Variants in ST8SIA4 observed in about 807,000 individuals in gnomAD.
The protein encoded by ST8SIA4 is ST8 alpha-N-acetyl-neuraminide alpha-2,8-sialyltransferase 4.
ST8SIA4 carries 15 observed loss-of-function variants against 33.9 expected under a neutral mutation model. That is an observed-to-expected ratio of 0.44 (90% confidence interval 0.30 to 0.68). The LOEUF (loss-of-function observed/expected upper bound fraction) is 0.68, where lower values mean the gene tolerates loss of function less well. Ranked by LOEUF, ST8SIA4 falls within the 30% of genes least tolerant of loss-of-function variation. ST8SIA4 has a pLI of 0.10. For synonymous variants in ST8SIA4, 171 were observed against 151.2 expected (o/e 1.13, Z -0.96); for missense variants, 321 against 428.0 (o/e 0.75, Z 2.21).
intron 4 of ST8SIA4, among the ~76,000 whole-genome samples, chr5:100,846,523 C>T (rs1375360088): frequency 6.6e-6 from 1 of 151,790 alleles, no homozygotes; most frequent in East Asian, 1.9e-4. Flanking sequence ...GAAATACATC[C>T]CTTGAGAAGA....
At chr5:100,863,201 A>G (rs781298211) in intron 3 of ST8SIA4, among the ~76,000 whole-genome samples, 31 of 152,226 alleles carry the variant, frequency 2.0e-4, no homozygotes, top group Non-Finnish European at 4.1e-4. Flanking sequence ...GCCACCAAAG[A>G]AAACAGACAT....
chr5:100,891,601 T>C (rs1446314816), intron 2 of ST8SIA4, among the ~76,000 whole-genome samples: 3 of 152,020 alleles, frequency 2.0e-5, no homozygotes, highest in East Asian at 3.9e-4. Flanking sequence ...TGAAGAGCAT[T>C]TTTAGTTTAA....
At chr5:100,848,235 A>C (rs1751609405) in intron 4 of ST8SIA4, among the ~76,000 whole-genome samples, 1 of 151,808 alleles carries the variant, frequency 6.6e-6, no homozygotes, top group South Asian at 2.1e-4. Flanking sequence ...GTTGAATAAG[A>C]TTCAGTAATG....
chr5:100,848,022 C>A lies in ST8SIA4; in HGVS notation c.797+8081G>T, dbSNP rs527792904. Among the ~76,000 whole-genome samples the A allele has an allele frequency of 4.6e-5, 7 of 151,900 alleles. No homozygotes were observed. The East Asian group carries it at 9.6e-4, about 21-fold the overall frequency. ...ATCAATTAGACTATTATCTTATATT[C>A]TGAATGAGGAAATTTTTCAAAAGTT... On this transcript the variant is annotated intron_variant, in intron 4 of 4. Coordinates refer to ENST00000231461, the MANE Select transcript of ST8SIA4 (RefSeq NM_005668.6).
chr5:100,881,475 CTACT>C, intron 3 of ST8SIA4, among the ~76,000 whole-genome samples: 1 of 152,170 alleles, frequency 6.6e-6, no homozygotes, highest in Non-Finnish European at 1.5e-5. Context: ...TTTTTTCACA[CTACT>C]TAATATTACT....
rs1295784830 is a variant in ST8SIA4, at chr5:100,880,290, A to G, written c.503+6053T>C. On this transcript the variant is annotated intron_variant, in intron 3 of 4. Coordinates refer to ENST00000231461, the MANE Select transcript of ST8SIA4 (RefSeq NM_005668.6). Reference sequence around the variant, plus strand: ...AAAGATAAACAATAAATAAATAAACATACAATGCAAAAATAAATACATAAA... The same window carrying G: ...AAAGATAAACAATAAATAAATAAACGTACAATGCAAAAATAAATACATAAA... Among the ~76,000 whole-genome samples, 4 of 152,218 alleles carry G rather than the reference A, an allele frequency of 2.6e-5. No homozygotes were observed. In the East Asian group the frequency reaches 7.7e-4, roughly 29 times the overall value.
chr5:100,837,541 A>G (rs1751388084), intron 4 of ST8SIA4, among the ~76,000 whole-genome samples: 1 of 151,918 alleles, frequency 6.6e-6, no homozygotes, highest in Non-Finnish European at 1.5e-5. Flanking sequence ...CTTGAACCAT[A>G]TGTTTATTCT....
intron 4 of ST8SIA4, among the ~76,000 whole-genome samples, chr5:100,853,267 C>T (rs1751742290): frequency 1.3e-5 from 2 of 152,210 alleles, no homozygotes. Flanking sequence ...CGCTATCTTA[C>T]ATACATCAAT....
At chr5:100,848,660 ATATG>A (rs1751620072) in intron 4 of ST8SIA4, among the ~76,000 whole-genome samples, 1 of 150,288 alleles carries the variant, frequency 6.7e-6, no homozygotes. Flanking sequence ...ATAACAGTAA[ATATG>A]TATGTATACT....
At chr5:100,835,169 C>T (rs547204851) in intron 4 of ST8SIA4, among the ~76,000 whole-genome samples, 21 of 152,134 alleles carry the variant, frequency 1.4e-4, no homozygotes, top group African/African-American at 4.1e-4. Flanking sequence ...TAAAGCTACC[C>T]GTAAGTTCAG....
intron 4 of ST8SIA4, among the ~76,000 whole-genome samples, chr5:100,852,706 A>G (rs1409329260): frequency 1.3e-5 from 2 of 152,218 alleles, no homozygotes; most frequent in Admixed American, 6.5e-5. Flanking sequence ...ACAATATATT[A>G]CAACAATACC....
chr5:100,868,346 T>G (rs535032765), intron 3 of ST8SIA4, among the ~76,000 whole-genome samples: 4 of 152,024 alleles, frequency 2.6e-5, no homozygotes, highest in Admixed American at 6.6e-5. Context: ...CATATTTGTG[T>G]GCATGTGTAG....
chr5:100,903,015 G>T lies in ST8SIA4; in HGVS notation c.-60C>A, dbSNP rs1379950748. On this transcript the variant is annotated 5_prime_UTR_variant, in exon 1 of 5. Coordinates refer to ENST00000231461, the MANE Select transcript of ST8SIA4 (RefSeq NM_005668.6). ...TCCCGCACCTTCTCTTGATATAAAGGCTCCGTTTTGGGGAGATAGTCGCGG... is the reference window on the plus strand; with the variant it reads ...TCCCGCACCTTCTCTTGATATAAAGTCTCCGTTTTGGGGAGATAGTCGCGG... The T allele has an allele frequency of 6.4e-6, 8 of 1,253,342 alleles. No individual in the cohort carries two copies. The highest frequency in any genetic ancestry group is 2.4e-5 in the South Asian group (2 of 83,524). The allele number at this position is 1,253,342 out of a possible 1,614,324, so 77.6% of individuals were successfully genotyped here.
At chr5:100,812,482 G>C (rs1351675849) in intron 4 of ST8SIA4, among the ~76,000 whole-genome samples, 2 of 151,952 alleles carry the variant, frequency 1.3e-5, no homozygotes, top group Non-Finnish European at 2.9e-5. Flanking sequence ...CAGAAGTCAT[G>C]GTAATTGGGT....
At chr5:100,834,936 T>G (rs1028708791) in intron 4 of ST8SIA4, among the ~76,000 whole-genome samples, 3 of 152,142 alleles carry the variant, frequency 2.0e-5, no homozygotes, top group Non-Finnish European at 4.4e-5. Flanking sequence ...CTCAGTTATC[T>G]CTTTATAGCA....
At position 100,885,628 on chromosome 5, in the gene ST8SIA4, A is replaced by C. The variant is rs1046144010; in HGVS notation, c.503+715T>G. The C allele has an allele frequency of 1.1e-5, 10 of 936,312 alleles. No individual in the cohort carries two copies. The African/African-American group carries it at 1.6e-4, about 15-fold the overall frequency. The allele number at this position is 936,312 out of a possible 1,614,324, so 58.0% of individuals were successfully genotyped here. A position where few individuals can be genotyped will look rare whatever the true frequency, so the allele number is the denominator to read the frequency against. On this transcript the variant is annotated intron_variant, in intron 3 of 4. Transcript: ENST00000231461. ...TAAGGAACTAAAACAATCCAAAAAA[A>C]CTGTACAGATATAAAAATTGATCAT...
At chr5:100,873,617 T>C (rs1752244867) in intron 3 of ST8SIA4, among the ~76,000 whole-genome samples, 1 of 152,132 alleles carries the variant, frequency 6.6e-6, no homozygotes. Context: ...ATTTTCTTGT[T>C]ACCAAGGGGA....
At chr5:100,822,066 C>CA (rs1256579262) in intron 4 of ST8SIA4, among the ~76,000 whole-genome samples, 2 of 152,164 alleles carry the variant, frequency 1.3e-5, no homozygotes, top group African/African-American at 4.8e-5. Flanking sequence ...TTCTGCTCCA[C>CA]AAAATTAGAG....
chr5:100,820,328 A>G lies in ST8SIA4; in HGVS notation c.798-8199T>C, dbSNP rs1736627033. Among the ~76,000 whole-genome samples, 3 of 152,258 alleles carry G rather than the reference A, an allele frequency of 2.0e-5. No individual in the cohort carries two copies. The South Asian group carries it at 6.2e-4, about 32-fold the overall frequency. ...ACATGCAGCATTTCTCTTCAATCGCATTATAGAGCTATTTGGTAAGATCAT... is the reference window on the plus strand; with the variant it reads ...ACATGCAGCATTTCTCTTCAATCGCGTTATAGAGCTATTTGGTAAGATCAT... On this transcript the variant is annotated intron_variant, in intron 4 of 4. Coordinates refer to ENST00000231461, the MANE Select transcript of ST8SIA4 (RefSeq NM_005668.6).
Sources: allele counts gnomAD v4.1 joint callset (sites outside exome capture counted in the v4.1 genomes callset), GRCh38; gene constraint gnomAD v4.1.1; transcripts MANE v1.5; gene names NCBI Gene and HGNC (gene_info 2026-07-23, HGNC 2026-07-21).